The following NEK10 variants were observed in gnomAD, a reference collection of about 807,000 sequenced individuals.
The protein encoded by NEK10 is NIMA related kinase 10.
NEK10 carries 122 observed loss-of-function variants against 159.8 expected under a neutral mutation model. That is an observed-to-expected ratio of 0.76 (90% confidence interval 0.66 to 0.89). The LOEUF (loss-of-function observed/expected upper bound fraction) is 0.89. Ranked by LOEUF, NEK10 falls within the 40% of genes least tolerant of loss-of-function variation. The pLI, the probability that NEK10 is intolerant of heterozygous loss-of-function variation, is 0.00. For synonymous variants in NEK10, 466 were observed against 457.1 expected, an observed-to-expected ratio of 1.02 and a Z score of -0.25; for missense variants, 1,342 against 1,323.1, an observed-to-expected ratio of 1.01 and a Z score of -0.22.
intron 22 of NEK10, among the ~76,000 whole-genome samples, chr3:27,261,060 T>C (rs922219439): frequency 4.6e-5 from 7 of 152,226 alleles, no homozygotes; most frequent in African/African-American, 1.7e-4. Context: ...GTGGGATCGG[T>C]GGTGATATCC....
chr3:27,280,678 T>C (rs1381974389), intron 22 of NEK10, among the ~76,000 whole-genome samples: 2 of 152,132 alleles, frequency 1.3e-5, no homozygotes, highest in Non-Finnish European at 2.9e-5. Flanking sequence ...CATTTTATTA[T>C]AATGAAGGGC....
At chr3:27,298,560 G>A (rs879263650) in intron 13 of NEK10, among the ~76,000 whole-genome samples, 1 of 152,176 alleles carries the variant, frequency 6.6e-6, no homozygotes, top group Non-Finnish European at 1.5e-5. Flanking sequence ...AAAGATAACA[G>A]AAATTGTGAA....
chr3:27,328,695 C>A (rs1204856451), intron 5 of NEK10, among the ~76,000 whole-genome samples: 1 of 152,092 alleles, frequency 6.6e-6, no homozygotes, highest in East Asian at 1.9e-4. Context: ...AGAGGATTGA[C>A]ATAATCTGAA....
rs1424949420 is a variant in NEK10 at position 27,311,017 on chromosome 3, C to G, written c.569-1G>C. Reference sequence around the variant, plus strand: ...ACTGCAGCAAGTTTTTGAAAAATATCTATAAAGGAAAGAAAGAGCGCAAAG... The same window carrying G: ...ACTGCAGCAAGTTTTTGAAAAATATGTATAAAGGAAAGAAAGAGCGCAAAG... On this transcript the variant is annotated splice_acceptor_variant, in intron 8 of 35. Coordinates refer to ENST00000691995, the MANE Select transcript of NEK10 (RefSeq NM_001394966.1). LOFTEE classifies it high-confidence loss of function. 1.2e-6 allele frequency: 2 copies of G among 1,603,150 alleles called. No homozygotes were observed. The highest frequency in any genetic ancestry group is 1.7e-6 in the Non-Finnish European group (2 of 1,170,726).
chr3:27,167,678 G>T (rs2148845212), intron 29 of NEK10, among the ~76,000 whole-genome samples: 1 of 152,262 alleles, frequency 6.6e-6, no homozygotes, highest in East Asian at 1.9e-4. Context: ...AATAGTAATA[G>T]ATATAAAAGA....
At chr3:27,297,783 G>T (rs1440454946) in intron 13 of NEK10, among the ~76,000 whole-genome samples, 1 of 152,122 alleles carries the variant, frequency 6.6e-6, no homozygotes, top group Non-Finnish European at 1.5e-5. Context: ...TAAATCCCCA[G>T]CCCTAAGCAG....
rs1306742783 is a variant in NEK10, at chr3:27,110,123, C to T, written c.*1149G>A. 3.3e-5 allele frequency: 5 copies of T among 152,138 alleles called. No individual in the cohort carries two copies. Among genetic ancestry groups the T allele is most frequent in the Admixed American group, 6.6e-5 (1 of 15,254 alleles). The allele number at this position is 152,138 out of a possible 1,614,324, so 9.4% of individuals were successfully genotyped here. On this transcript the variant is annotated 3_prime_UTR_variant, in exon 36 of 36. Coordinates refer to ENST00000691995, the MANE Select transcript of NEK10 (RefSeq NM_001394966.1). ...AAGTATAATTTCAACTTTCAGATTACTAATTATGTAGAATAAATTGCTCTT... is the reference window on the plus strand; with the variant it reads ...AAGTATAATTTCAACTTTCAGATTATTAATTATGTAGAATAAATTGCTCTT...
chr3:27,145,717 C>T (rs1430929249), intron 30 of NEK10, among the ~76,000 whole-genome samples: 1 of 152,030 alleles, frequency 6.6e-6, no homozygotes, highest in Non-Finnish European at 1.5e-5. Flanking sequence ...CTGTCTGCTC[C>T]TTTATTGGTG....
intron 23 of NEK10, among the ~76,000 whole-genome samples, chr3:27,217,081 A>G (rs1217454862): frequency 6.6e-6 from 1 of 152,204 alleles, no homozygotes; most frequent in African/African-American, 2.4e-5. Flanking sequence ...GGCTTCTTAG[A>G]AAATAAGGAC....
chr3:27,305,090 G>C, intron 11 of NEK10, 119 bp from the exon 12 acceptor site: 2 of 665,942 alleles, frequency 3.0e-6, no homozygotes, highest in Non-Finnish European at 5.2e-6. Flanking sequence ...TAAGTCATGG[G>C]TCAATGTGCC....
intron 1 of NEK10, among the ~76,000 whole-genome samples, chr3:27,353,146 T>A (rs2048090955): frequency 6.6e-6 from 1 of 152,170 alleles, no homozygotes; most frequent in South Asian, 2.1e-4. Flanking sequence ...AAGATAAGTA[T>A]GGGTTTGCCA....
chr3:27,266,498 A>C (rs2040907166), intron 22 of NEK10, among the ~76,000 whole-genome samples: 2 of 152,168 alleles, frequency 1.3e-5, no homozygotes, highest in Non-Finnish European at 2.9e-5. Context: ...CTTTCACTTA[A>C]GTGTCTCCTA....
At chr3:27,162,288 G>A in intron 30 of NEK10, 2 of 1,148,700 alleles carry the variant, frequency 1.7e-6, no homozygotes, top group East Asian at 5.1e-5. Context: ...AACACAGAAG[G>A]CATTTTGTTA....
intron 22 of NEK10, among the ~76,000 whole-genome samples, chr3:27,284,112 A>T (rs955255108): frequency 6.6e-6 from 1 of 152,166 alleles, no homozygotes; most frequent in African/African-American, 2.4e-5. Context: ...TTGGCCGGGC[A>T]TTGGGGCTCA....
intron 31 of NEK10, among the ~76,000 whole-genome samples, chr3:27,134,580 G>C (rs756921420): frequency 6.6e-6 from 1 of 152,144 alleles, no homozygotes; most frequent in South Asian, 2.1e-4. Context: ...GAATTCTTGC[G>C]ATTTATTTAA....
intron 6 of NEK10, among the ~76,000 whole-genome samples, chr3:27,317,751 CT>C (rs368116414): frequency 6.6e-5 from 10 of 152,244 alleles, no homozygotes; most frequent in African/African-American, 2.4e-4. Context: ...ATTTACTCCT[CT>C]GTTCAAAAAT....
chr3:27,341,243 AC>A (rs1180972929), intron 5 of NEK10, among the ~76,000 whole-genome samples: 1 of 152,322 alleles, frequency 6.6e-6, no homozygotes, highest in East Asian at 1.9e-4. Flanking sequence ...GTTAACGGGT[AC>A]AAATGTATTG....
chr3:27,254,059 CTCA>C (rs1399820738), intron 23 of NEK10, among the ~76,000 whole-genome samples: 1 of 152,148 alleles, frequency 6.6e-6, no homozygotes, highest in Non-Finnish European at 1.5e-5. Context: ...ACTCCAACCT[CTCA>C]TCCGGTGCGC....
intron 7 of NEK10, among the ~76,000 whole-genome samples, chr3:27,312,820 C>T (rs1274314738): frequency 6.6e-6 from 1 of 151,968 alleles, no homozygotes; most frequent in Non-Finnish European, 1.5e-5. Context: ...CACCTCTAGT[C>T]AATTTAAAAG....
Sources: allele counts gnomAD v4.1 joint callset (sites outside exome capture counted in the v4.1 genomes callset), GRCh38; gene constraint gnomAD v4.1.1; transcripts MANE v1.5; gene names NCBI Gene and HGNC (gene_info 2026-07-23, HGNC 2026-07-21).